The following ESRRG variants were observed in gnomAD, a reference collection of about 807,000 sequenced individuals.
The protein encoded by ESRRG is estrogen related receptor gamma, also known as estrogen-related receptor gamma.
Under a neutral mutation model 44.0 loss-of-function variants are expected in ESRRG, and 13 were observed. That is an observed-to-expected ratio of 0.30 (90% CI 0.19 to 0.47). ESRRG has a LOEUF of 0.47. ESRRG is among the 20% of genes least tolerant of loss of function. The pLI is 1.00. For synonymous variants in ESRRG, 215 were observed against 214.6 expected (o/e 1.00, Z -0.02); for missense variants, 395 against 580.6 (o/e 0.68, Z 3.29).
intron 2 of ESRRG, among the ~76,000 whole-genome samples, chr1:216,839,656 C>T (rs2095620399): frequency 6.6e-6 from 1 of 152,142 alleles, no homozygotes; most frequent in African/African-American, 2.4e-5. Context: ...AACCAACATT[C>T]ATCAACATGT....
chr1:216,943,016 C>T (rs1196491211), intron 1 of ESRRG, among the ~76,000 whole-genome samples: 1 of 151,108 alleles, frequency 6.6e-6, no homozygotes, highest in East Asian at 2.0e-4. Context: ...CTATCCTATG[C>T]CCAACTAATT....
intron 2 of ESRRG, among the ~76,000 whole-genome samples, chr1:216,913,753 T>G (rs1408509900): frequency 6.6e-6 from 1 of 152,202 alleles, no homozygotes. Flanking sequence ...GATAAGCACT[T>G]TACAATGTAT....
At chr1:216,906,172 G>A (rs2059668562) in intron 2 of ESRRG, among the ~76,000 whole-genome samples, 1 of 152,134 alleles carries the variant, frequency 6.6e-6, no homozygotes. Context: ...TTCTTAGTTT[G>A]AACTAGCGAG....
intron 1 of ESRRG, among the ~76,000 whole-genome samples, chr1:216,983,800 T>C (rs1560361421): frequency 6.6e-6 from 1 of 151,688 alleles, no homozygotes; most frequent in Admixed American, 6.6e-5. Context: ...CAAGTTATTA[T>C]AAAAAATGCA....
At chr1:216,798,371 T>C (rs538809572) in intron 2 of ESRRG, among the ~76,000 whole-genome samples, 49 of 152,188 alleles carry the variant, frequency 3.2e-4, no homozygotes, top group African/African-American at 1.0e-3. Flanking sequence ...AATTCCACTA[T>C]AAGTAAGAGA....
chr1:216,690,958 G>A (rs1289388465), intron 1 of ESRRG, among the ~76,000 whole-genome samples: 2 of 152,092 alleles, frequency 1.3e-5, no homozygotes, highest in Non-Finnish European at 2.9e-5. Flanking sequence ...CCTTGCAACT[G>A]TAAACATAAC....
chr1:216,723,568 A>T, upstream of ESRRG: 1 of 480,040 alleles, frequency 2.1e-6, no homozygotes, highest in East Asian at 3.7e-5. Flanking sequence ...AGGCGACGGG[A>T]GGCTGCACGG....
chr1:217,119,752 C>G (rs1433190216), intron 1 of ESRRG, among the ~76,000 whole-genome samples: 1 of 152,160 alleles, frequency 6.6e-6, no homozygotes, highest in Non-Finnish European at 1.5e-5. Context: ...TAAATGTAAA[C>G]TTAAGGTTTA....
chr1:216,827,648 G>A (rs570012463), intron 2 of ESRRG, among the ~76,000 whole-genome samples: 32 of 152,138 alleles, frequency 2.1e-4, no homozygotes, highest in African/African-American at 6.7e-4. Context: ...GTTTGTATAC[G>A]TATTCTATCT....
intron 3 of ESRRG, among the ~76,000 whole-genome samples, chr1:216,629,414 C>G (rs1267600959): frequency 1.3e-5 from 2 of 151,890 alleles, no homozygotes; most frequent in Non-Finnish European, 2.9e-5. Context: ...AAGACACCAC[C>G]CTGAGAAGCA....
At chr1:217,054,826 C>G (rs1278857552) in intron 1 of ESRRG, among the ~76,000 whole-genome samples, 1 of 151,992 alleles carries the variant, frequency 6.6e-6, no homozygotes, top group Non-Finnish European at 1.5e-5. Flanking sequence ...TCAAAGGAAG[C>G]TACGGTCATT....
At chr1:216,877,718 G>T (rs556695807) in intron 2 of ESRRG, among the ~76,000 whole-genome samples, 2 of 151,994 alleles carry the variant, frequency 1.3e-5, no homozygotes, top group East Asian at 3.9e-4. Context: ...CACCGCGCCC[G>T]GCCTATATGT....
intron 2 of ESRRG, among the ~76,000 whole-genome samples, chr1:216,767,202 T>C (rs1162772101): frequency 6.6e-6 from 1 of 152,122 alleles, no homozygotes; most frequent in African/African-American, 2.4e-5. Context: ...GGTTTTCCTT[T>C]CTTTCCTAGT....
intron 1 of ESRRG, among the ~76,000 whole-genome samples, chr1:217,114,206 A>G (rs1234901823): frequency 1.3e-5 from 2 of 152,040 alleles, no homozygotes; most frequent in Non-Finnish European, 2.9e-5. Flanking sequence ...ACAAAAAAAA[A>G]TTCTGGTGAG....
At chr1:216,879,928 T>C (rs547324322) in intron 2 of ESRRG, among the ~76,000 whole-genome samples, 1 of 152,312 alleles carries the variant, frequency 6.6e-6, no homozygotes, top group Admixed American at 6.5e-5. Flanking sequence ...ATTTGTGAAC[T>C]ATATAGTTGT....
intron 3 of ESRRG, among the ~76,000 whole-genome samples, chr1:216,619,307 A>G (rs2061856409): frequency 6.6e-6 from 1 of 152,202 alleles, no homozygotes; most frequent in Non-Finnish European, 1.5e-5. Flanking sequence ...CAAAATGTCA[A>G]ATGATGTTTC....
intron 3 of ESRRG, among the ~76,000 whole-genome samples, chr1:216,599,005 A>G (rs1171066192): frequency 6.6e-6 from 1 of 152,204 alleles, no homozygotes; most frequent in African/African-American, 2.4e-5. Flanking sequence ...CTTGAGTGCA[A>G]GAGGGATCTG....
chr1:217,024,200 T>C (rs1038794967), intron 1 of ESRRG, among the ~76,000 whole-genome samples: 11 of 151,968 alleles, frequency 7.2e-5, no homozygotes, highest in African/African-American at 2.4e-4. Flanking sequence ...CTACTAAAAA[T>C]ACAAAAGATT....
At chr1:216,703,782 G>A (rs2081933563) in intron 1 of ESRRG, among the ~76,000 whole-genome samples, 1 of 151,804 alleles carries the variant, frequency 6.6e-6, no homozygotes, top group South Asian at 2.1e-4. Flanking sequence ...GGATGCCAAA[G>A]GAGGAAGTGT....
Sources: allele counts gnomAD v4.1 joint callset (sites outside exome capture counted in the v4.1 genomes callset), GRCh38; gene constraint gnomAD v4.1.1; transcripts MANE v1.5; gene names NCBI Gene and HGNC (gene_info 2026-07-23, HGNC 2026-07-21).